KDM1B: variants seen among roughly 807,000 people sequenced by gnomAD.
The protein encoded by KDM1B is lysine demethylase 1B.
Under a neutral mutation model 107.4 loss-of-function variants are expected in KDM1B, and 63 were observed. The ratio of observed to expected loss-of-function variants is 0.59; its 90% CI spans 0.48 to 0.72. The LOEUF (loss-of-function observed/expected upper bound fraction) is 0.72, where lower values mean the gene tolerates loss of function less well. KDM1B is among the 30% of genes least tolerant of loss of function. The probability of loss-of-function intolerance (pLI) is 0.00; values close to 1 mark genes in which losing one functional copy is unlikely to be tolerated. For synonymous variants in KDM1B, 363 were observed against 363.9 expected (o/e 1.00, Z 0.03); for missense variants, 749 against 1,020.8 (o/e 0.73, Z 3.63).
chr6:18,180,430 A>G (rs1786380322), intron 7 of KDM1B, among the ~76,000 whole-genome samples: 1 of 152,230 alleles, frequency 6.6e-6, no homozygotes, highest in African/African-American at 2.4e-5. Flanking sequence ...GACTATTTTA[A>G]TAGATTCTAC....
At chr6:18,216,593 C>T (rs374049566) in intron 20 of KDM1B, among the ~76,000 whole-genome samples, 43 of 152,298 alleles carry the variant, frequency 2.8e-4, no homozygotes, top group African/African-American at 9.4e-4. Flanking sequence ...GTTTCAGTTA[C>T]TGTGGTCAAC....
intron 8 of KDM1B, among the ~76,000 whole-genome samples, chr6:18,187,334 T>TA (rs1308731956): frequency 1.3e-5 from 2 of 152,198 alleles, no homozygotes; most frequent in African/African-American, 4.8e-5. Flanking sequence ...CGGTAATACT[T>TA]ACTACTTGGG....
rs779705156 is a variant in KDM1B, at chr6:18,197,255, G to T, written c.1146+22G>T. 1 of 1,602,440 alleles carries T rather than the reference G, an allele frequency of 6.2e-7. No individual in the cohort carries two copies. The highest frequency in any genetic ancestry group is 1.3e-5 in the African/African-American group (1 of 74,520). ...CAATGTAGGTGATTATAGCTTTAGC[G>T]ATAGCCTTGCCATTGATCAGGACAA... On this transcript the variant is annotated intron_variant, in intron 11 of 21. Transcript: ENST00000650836. This position sits in a 1 kb window ranked among gnomAD's most constrained non-coding sequence, Gnocchi z 4.5.
intron 8 of KDM1B, 95 bp downstream of exon 8, chr6:18,185,905 C>T: frequency 1.7e-6 from 2 of 1,204,980 alleles, no homozygotes; most frequent in South Asian, 2.5e-5. Flanking sequence ...GAATTTCTTT[C>T]TCTTTGGTTG....
rs1190712553 is a variant in KDM1B, at chr6:18,214,254, TGTC to T, written c.2109+474_2109+476del. Among the ~76,000 whole-genome samples, 1 of 152,202 alleles carries T rather than the reference TGTC, an allele frequency of 6.6e-6. No homozygotes were observed. The highest frequency in any genetic ancestry group is 1.5e-5 in the Non-Finnish European group (1 of 68,032). On this transcript the variant is annotated intron_variant, in intron 19 of 21. Transcript: ENST00000650836. The surrounding 1 kb of genome is among the most constrained non-coding windows in gnomAD (Gnocchi z 4.4). Reference sequence around the variant, plus strand: ...GGGGTGGTCACTTTCTCTGCCGTCATGTCACTGCCACACGAAAGAATCATGGCT... The same window carrying T: ...GGGGTGGTCACTTTCTCTGCCGTCATACTGCCACACGAAAGAATCATGGCT...
In KDM1B at chr6:18,211,355, A is replaced by G. The variant is rs1465754011; in HGVS notation, c.1867-1133A>G. ...GTACTGCAGATATTAGAAAGCAAAT[A>G]CACACACTCTTCCCCAACTCCCTAC... On this transcript the variant is annotated intron_variant, in intron 17 of 21. Transcript: ENST00000650836. The surrounding 1 kb of genome is among the most constrained non-coding windows in gnomAD (Gnocchi z 5.2). The G allele has an allele frequency of 1.3e-5, 2 of 152,272 alleles. No individual in the cohort carries two copies. Among genetic ancestry groups the G allele is most frequent in the East Asian group, 3.9e-4 (2 of 5,182 alleles). 9.4% of individuals were successfully genotyped at this position (152,272 alleles called of 1,614,324 possible). A position where few individuals can be genotyped will look rare whatever the true frequency, so the allele number is the denominator to read the frequency against.
rs368563121 is a variant in KDM1B at position 18,159,187 on chromosome 6, C to T, written c.-13-696C>T. On this transcript the variant is annotated intron_variant, in intron 2 of 21. Transcript: ENST00000650836. The surrounding 1 kb of genome is among the most constrained non-coding windows in gnomAD (Gnocchi z 4.5). ...TTCACAATGTTGGTCAGACTGGTCT[C>T]GAACTCCTGACCTCATGATCCGCCT... 2.0e-5 allele frequency among the ~76,000 whole-genome samples: 3 copies of T among 152,112 alleles called. No individual in the cohort carries two copies. Among genetic ancestry groups the T allele is most frequent in the Non-Finnish European group, 2.9e-5 (2 of 68,020 alleles).
chr6:18,217,172 C>CAG (rs2151041626), intron 20 of KDM1B, among the ~76,000 whole-genome samples: 1 of 151,994 alleles, frequency 6.6e-6, no homozygotes, highest in East Asian at 1.9e-4. Flanking sequence ...GTGTCCCGGG[C>CAG]AGAAGGAGGA....
intron 20 of KDM1B, among the ~76,000 whole-genome samples, chr6:18,216,870 C>T (rs1440931690): frequency 6.6e-6 from 1 of 152,144 alleles, no homozygotes; most frequent in South Asian, 2.1e-4. Context: ...TAGGAAAAAA[C>T]ATAGTGTGTA....
chr6:18,165,950 T>C (rs1230400087), intron 5 of KDM1B, among the ~76,000 whole-genome samples: 1 of 152,154 alleles, frequency 6.6e-6, no homozygotes, highest in Non-Finnish European at 1.5e-5. Flanking sequence ...GATTCATGAT[T>C]GCAGCTGTGA....
chr6:18,188,043 C>T (rs1196099646), intron 9 of KDM1B, 41 bp downstream of exon 9: 2 of 1,505,464 alleles, frequency 1.3e-6, no homozygotes, highest in African/African-American at 1.4e-5. Flanking sequence ...CTATTCCCCG[C>T]TCCCCTCCCT....
intron 5 of KDM1B, 105 bp from the exon 6 acceptor site, chr6:18,166,162 A>G (rs1022251767): frequency 8.1e-6 from 5 of 617,214 alleles, no homozygotes; most frequent in Admixed American, 5.3e-5. Flanking sequence ...AAGGCTAGTT[A>G]TGTTTGTTAC....
Position 18,223,443 on chromosome 6 carries a change from G to A in KDM1B, c.*1451G>A, listed in dbSNP as rs1789943838. On this transcript the variant is annotated 3_prime_UTR_variant, in exon 22 of 22. Transcript: ENST00000650836. The stretch of plus-strand genomic sequence containing the variant: ...CTCTGATATTTAGGTTATTTGTTGA[G>A]ACTCATTGGTACTGACTGGCAAGTA... The A allele has an allele frequency of 6.7e-6, 1 of 149,664 alleles. No homozygotes were observed. The highest frequency in any genetic ancestry group is 2.1e-4 in the South Asian group (1 of 4,788). The allele number at this position is 149,664 out of a possible 1,614,324, so 9.3% of individuals were successfully genotyped here. A position where few individuals can be genotyped will look rare whatever the true frequency, so the allele number is the denominator to read the frequency against.
At position 18,208,388 on chromosome 6, in the gene KDM1B, C is replaced by T. The variant is rs563168602; in HGVS notation, c.1866+182C>T. On this transcript the variant is annotated intron_variant, in intron 17 of 21. Transcript: ENST00000650836. ...TAGATATGCAAAGCTGATTTCATTG[C>T]TCTAACACTGTATAGACTCATGGCA... Among the ~76,000 whole-genome samples the T allele has an allele frequency of 2.8e-4, 42 of 151,696 alleles. No individual in the cohort carries two copies. In the East Asian group the frequency reaches 6.6e-3, roughly 24 times the overall value.
intron 7 of KDM1B, among the ~76,000 whole-genome samples, chr6:18,174,824 A>T (rs1407554674): frequency 2.0e-5 from 3 of 152,138 alleles, no homozygotes; most frequent in African/African-American, 7.2e-5. Context: ...GTAGTCCATC[A>T]TATATATATG....
intron 6 of KDM1B, among the ~76,000 whole-genome samples, chr6:18,169,755 T>G (rs1398452544): frequency 6.6e-6 from 1 of 152,172 alleles, no homozygotes; most frequent in Non-Finnish European, 1.5e-5. Flanking sequence ...AGAGTTCTGT[T>G]GTTTGAGTGC....
chr6:18,187,873 C>T lies in KDM1B; in HGVS notation c.655C>T (p.Leu219=). The T allele has an allele frequency of 6.5e-7, 1 of 1,550,376 alleles. No individual in the cohort carries two copies. The highest frequency in any genetic ancestry group is 8.7e-7 in the Non-Finnish European group (1 of 1,146,882). The change falls in exon 9 of 22, where the codon CTG becomes TTG. Residue 219 remains leucine (L), a synonymous_variant. Coordinates refer to ENST00000650836, the MANE Select transcript of KDM1B (RefSeq NM_001364614.2). ...GCTGAAAGACAGTGTGGCAGCGCCC[C>T]TGCTGTCTGCCTACTACCCTGACTG... is the stretch of plus-strand genomic sequence containing the variant. ...PLLKDSVAAP[L]LSAYYPDCVG...
At position 18,212,081 on chromosome 6, in the gene KDM1B, C is replaced by G; in HGVS notation, c.1867-407C>G. On this transcript the variant is annotated intron_variant, in intron 17 of 21. Transcript: ENST00000650836. The surrounding 1 kb of genome is among the most constrained non-coding windows in gnomAD (Gnocchi z 5.2). ...CTGCCTCAGCTTCCCAAGTATCTGG[C>G]ACTACAGGCACCTGCCACCACACCT... 1 of 176,104 alleles carries G rather than the reference C, an allele frequency of 5.7e-6. No homozygotes were observed. The highest frequency in any genetic ancestry group is 1.2e-5 in the Non-Finnish European group (1 of 82,926). 10.9% of individuals were successfully genotyped at this position (176,104 alleles called of 1,614,324 possible).
Position 18,158,219 on chromosome 6 carries a change from G to C in KDM1B, c.-13-1664G>C, listed in dbSNP as rs755640773. Among the ~76,000 whole-genome samples the C allele has an allele frequency of 4.0e-5, 6 of 149,158 alleles. No homozygotes were observed. The South Asian group carries it at 6.3e-4, about 16-fold the overall frequency. ...GCTTAAAGAACTATAGTGCATTTCA[G>C]AATATGTAGGGATTATGTGTTCACA... On this transcript the variant is annotated intron_variant, in intron 2 of 21. Transcript: ENST00000650836.
Sources: gnomAD v4.1 joint callset for allele counts (sites outside exome capture counted in the v4.1 genomes callset) on GRCh38, gnomAD v4.1.1 for gene constraint, Gnocchi (gnomAD v3.1) non-coding constraint, MANE v1.5 for transcripts, NCBI Gene and HGNC (gene_info 2026-07-23, HGNC 2026-07-21) for gene names.